Variants in DCDC1 observed in about 807,000 individuals in gnomAD.
DCDC1 encodes doublecortin domain-containing protein 1.
Under a neutral mutation model 178.3 loss-of-function variants are expected in DCDC1, and 200 were observed. That is an observed-to-expected ratio of 1.12 (90% CI 1.00 to 1.26). The LOEUF (loss-of-function observed/expected upper bound fraction) is 1.26. Ranked by LOEUF, DCDC1 falls within the 50% of genes most tolerant of loss-of-function variation. The pLI, the probability that DCDC1 is intolerant of heterozygous loss-of-function variation, is 0.00. For synonymous variants in DCDC1, 690 were observed against 604.8 expected, an observed-to-expected ratio of 1.14 and a Z score of -2.07; for missense variants, 1,983 against 1,749.2, an observed-to-expected ratio of 1.13 and a Z score of -2.38.
chr11:31,190,731 T>C (rs1565408292), intron 9 of DCDC1, among the ~76,000 whole-genome samples: 1 of 152,118 alleles, frequency 6.6e-6, no homozygotes, highest in Non-Finnish European at 1.5e-5. Flanking sequence ...ATCATATTGT[T>C]AGGTAAAAGC....
chr11:31,349,325 C>T (rs896520076), intron 1 of DCDC1, among the ~76,000 whole-genome samples: 1 of 152,112 alleles, frequency 6.6e-6, no homozygotes, highest in Non-Finnish European at 1.5e-5. Flanking sequence ...TGTGGCCCTC[C>T]AAATGTGTTT....
chr11:30,968,088 G>T (rs145441949), intron 20 of DCDC1, among the ~76,000 whole-genome samples: 7 of 152,234 alleles, frequency 4.6e-5, no homozygotes, highest in African/African-American at 1.7e-4. Flanking sequence ...GGGATCCCAG[G>T]AACTGAGACA....
rs1974150803 is a variant in DCDC1, at chr11:31,220,581, TTA to T, written c.1221+20867_1221+20868del. 7.2e-5 allele frequency among the ~76,000 whole-genome samples: 11 copies of T among 152,352 alleles called. No homozygotes were observed. In the South Asian group the frequency reaches 2.3e-3, roughly 32 times the overall value. On this transcript the variant is annotated intron_variant, in intron 9 of 38. Coordinates refer to ENST00000684477, the MANE Select transcript of DCDC1 (RefSeq NM_001387274.1). ...TGTTTGTTTTTAAAAATCAGATGCA[TTA>T]TGTTATATTTACACTTTATATTTTG...
chr11:31,010,220 C>T (rs1952091979), intron 20 of DCDC1, among the ~76,000 whole-genome samples: 1 of 152,222 alleles, frequency 6.6e-6, no homozygotes. Context: ...AGTCCAGGCA[C>T]AGCCTGGCTG....
chr11:31,038,574 C>T (rs1954231232), intron 20 of DCDC1, among the ~76,000 whole-genome samples: 2 of 152,040 alleles, frequency 1.3e-5, no homozygotes, highest in South Asian at 4.1e-4. Flanking sequence ...AAATAAAATA[C>T]ATTAGAGGTC....
intron 20 of DCDC1, among the ~76,000 whole-genome samples, chr11:31,059,939 G>A (rs1325515663): frequency 6.6e-6 from 1 of 151,944 alleles, no homozygotes; most frequent in Non-Finnish European, 1.5e-5. Context: ...TCTGCTTAAA[G>A]AGTTTCTCAT....
intron 38 of DCDC1, among the ~76,000 whole-genome samples, chr11:30,865,721 T>C (rs1428091197): frequency 6.6e-6 from 1 of 152,148 alleles, no homozygotes; most frequent in African/African-American, 2.4e-5. Flanking sequence ...CTTTTACAGT[T>C]GAGTGCATTC....
chr11:31,281,668 T>C (rs764972371), intron 7 of DCDC1, among the ~76,000 whole-genome samples: 11 of 152,194 alleles, frequency 7.2e-5, no homozygotes, highest in Middle Eastern at 3.4e-3. Flanking sequence ...TGGGAGATAA[T>C]TGAATCATGG....
chr11:31,022,642 T>TC (rs1491124201), intron 20 of DCDC1, among the ~76,000 whole-genome samples: 1 of 140,828 alleles, frequency 7.1e-6, no homozygotes, highest in Non-Finnish European at 1.5e-5. Flanking sequence ...TGTCTTTTAG[T>TC]TTGTGTGTGT....
chr11:31,350,433 A>T (rs1319210335), intron 1 of DCDC1, among the ~76,000 whole-genome samples: 1 of 152,128 alleles, frequency 6.6e-6, no homozygotes, highest in African/African-American at 2.4e-5. Flanking sequence ...AAGCTCCTAG[A>T]TATTTTAAAG....
intron 8 of DCDC1, among the ~76,000 whole-genome samples, chr11:31,242,255 G>A (rs191357307): frequency 1.3e-5 from 2 of 151,912 alleles, no homozygotes; most frequent in Admixed American, 6.6e-5. Context: ...TCCAGCATGC[G>A]TTTTGTAAAT....
intron 20 of DCDC1, among the ~76,000 whole-genome samples, chr11:31,049,561 G>A (rs981564603): frequency 1.3e-5 from 2 of 152,300 alleles, no homozygotes; most frequent in Non-Finnish European, 2.9e-5. Context: ...GGTTAGCATT[G>A]TGAATTTTAG....
chr11:31,199,855 T>C (rs920406605), intron 9 of DCDC1, among the ~76,000 whole-genome samples: 2 of 152,126 alleles, frequency 1.3e-5, no homozygotes, highest in Non-Finnish European at 2.9e-5. Context: ...AAAGTTCTCA[T>C]GACAAAATAG....
chr11:31,079,788 T>A (rs540947981), intron 17 of DCDC1, among the ~76,000 whole-genome samples: 1 of 152,056 alleles, frequency 6.6e-6, no homozygotes, highest in African/African-American at 2.4e-5. Flanking sequence ...ATTTGATGAT[T>A]GAATAAATGA....
intron 9 of DCDC1, among the ~76,000 whole-genome samples, chr11:31,166,154 C>T (rs1039358367): frequency 4.6e-5 from 7 of 152,094 alleles, no homozygotes; most frequent in South Asian, 2.1e-4. Context: ...TTGGGTCTAA[C>T]GTTAATATTT....
intron 6 of DCDC1, among the ~76,000 whole-genome samples, chr11:31,303,006 T>G (rs976340962): frequency 2.0e-5 from 3 of 152,340 alleles, no homozygotes; most frequent in African/African-American, 7.2e-5. Flanking sequence ...GTTTGAAGGA[T>G]TCATAACTTA....
In DCDC1 at chr11:30,952,556, T is replaced by C; in HGVS notation, c.2604A>G (p.Lys868=). The stretch of plus-strand genomic sequence containing the variant: ...GGCCTGGCTTACTGGTTCCTTCATG[T>C]TTTATGGCCCACCTAAAACAAAAGA... ...PKASAQRWAI[K]HEGTSKPGQW... is the part of the protein sequence containing the mutation. The change falls in exon 21 of 39, where the codon AAA becomes AAG. Residue 868 remains lysine (K), a synonymous_variant. Transcript: ENST00000684477. The C allele has an allele frequency of 7.1e-7, 1 of 1,406,446 alleles. No homozygotes were observed. The highest frequency in any genetic ancestry group is 1.4e-5 in the African/African-American group (1 of 71,168). The allele number at this position is 1,406,446 out of a possible 1,614,324, so 87.1% of individuals were successfully genotyped here.
intron 17 of DCDC1, among the ~76,000 whole-genome samples, chr11:31,084,504 A>C (rs1957362810): frequency 6.6e-6 from 1 of 152,180 alleles, no homozygotes. Context: ...AAAATGAAGT[A>C]TAACTTCATA....
chr11:31,126,217 A>G (rs1961596641), intron 11 of DCDC1, among the ~76,000 whole-genome samples: 1 of 152,144 alleles, frequency 6.6e-6, no homozygotes, highest in Non-Finnish European at 1.5e-5. Flanking sequence ...CTTCTAGAAA[A>G]CAACCACTCT....
Sources: allele counts gnomAD v4.1 joint callset (sites outside exome capture counted in the v4.1 genomes callset), GRCh38; gene constraint gnomAD v4.1.1; transcripts MANE v1.5; gene names NCBI Gene and HGNC (gene_info 2026-07-23, HGNC 2026-07-21).